Variants in ANKRD23 observed in about 807,000 individuals in gnomAD.
ANKRD23 encodes the protein ankyrin repeat domain-containing protein 23.
ANKRD23 carries 52 observed loss-of-function variants against 38.1 expected under a neutral mutation model. The observed-to-expected ratio is 1.36, with a 90% confidence interval of 1.09 to 1.72. The LOEUF (loss-of-function observed/expected upper bound fraction) is 1.72, where lower values mean the gene tolerates loss of function less well. Among genes scored for constraint, ANKRD23 ranks in the 40% most tolerant of loss-of-function variants. The probability of loss-of-function intolerance (pLI) is 0.00; values close to 1 mark genes in which losing one functional copy is unlikely to be tolerated. For missense variants in ANKRD23, 416 were observed against 400.2 expected, an observed-to-expected ratio of 1.04 and a Z score of -0.34; for synonymous variants, 167 against 162.9, an observed-to-expected ratio of 1.03 and a Z score of -0.19.
At chr2:96,840,694 C>T in intron 4 of ANKRD23, 93 bp downstream of exon 4, 6 of 1,570,058 alleles carry the variant, frequency 3.8e-6, no homozygotes, top group Non-Finnish European at 4.3e-6. Flanking sequence ...GAGTGAAAAT[C>T]CCTGCAGCCT....
chr2:96,839,644 C>A lies in ANKRD23; in HGVS notation c.823G>T (p.Ala275Ser). Residue 275 changes from alanine to serine, a missense_variant and splice_region_variant, in exon 9 of 9, where the codon GCC becomes TCC. Coordinates refer to ENST00000318357, the MANE Select transcript of ANKRD23 (RefSeq NM_144994.8). ...GCCAGCTGCACCGGGGTCACGGAGG[C>A]CTGGGAGCAACGGTGTGGGTCAGTC... Reference protein sequence around the residue: ...YGAELGVRNAASVTPVQLARD... With the variant: ...YGAELGVRNASSVTPVQLARD... The A allele has an allele frequency of 6.5e-7, 1 of 1,527,214 alleles. No homozygotes were observed. Among genetic ancestry groups the A allele is most frequent in the Non-Finnish European group, 8.8e-7 (1 of 1,134,232 alleles). 94.6% of individuals were successfully genotyped at this position (1,527,214 alleles called of 1,614,324 possible). A position where few individuals can be genotyped will look rare whatever the true frequency, so the allele number is the denominator to read the frequency against.
chr2:96,840,480 T>G lies in ANKRD23; in HGVS notation c.461A>C (p.Lys154Thr). 1 of 1,614,032 alleles carries G rather than the reference T, an allele frequency of 6.2e-7. No individual in the cohort carries two copies. Among genetic ancestry groups the G allele is most frequent in the Non-Finnish European group, 8.5e-7 (1 of 1,180,026 alleles). ...CTTGTTCACCAGCTGGCTGTGACCC[T>G]TCAGACAGGCCCAGTGCAAGGCGGT... Reference protein sequence around the residue: ...HRTALHWACLKGHSQLVNKLL... With the variant: ...HRTALHWACLTGHSQLVNKLL... The change falls in exon 5 of 9, where the codon AAG becomes ACG. Residue 154 changes from lysine (K) to threonine (T), a missense_variant. Transcript: ENST00000318357.
intron 1 of ANKRD23, 78 bp from the exon 2 acceptor site, chr2:96,842,589 A>C (rs2079774157): frequency 6.6e-7 from 1 of 1,517,304 alleles, no homozygotes; most frequent in South Asian, 1.3e-5. Flanking sequence ...AGTAGCAGGG[A>C]GCTGTCTTAT....
rs1232516559 is a variant in ANKRD23, at chr2:96,839,399, CTT to C, written c.*148_*149del. On this transcript the variant is annotated 3_prime_UTR_variant, in exon 9 of 9. Coordinates refer to ENST00000318357, the MANE Select transcript of ANKRD23 (RefSeq NM_144994.8). ...TTTGCCTGCTGGGCCCGGTGCCGCT[CTT>C]CAGTTCTGCCAGGGCTGCTGAGGCG... is the stretch of plus-strand genomic sequence containing the variant. The C allele has an allele frequency of 1.5e-5, 19 of 1,275,922 alleles. No homozygotes were observed. The highest frequency in any genetic ancestry group is 1.8e-5 in the Non-Finnish European group (18 of 1,014,818). The allele number at this position is 1,275,922 out of a possible 1,614,324, so 79.0% of individuals were successfully genotyped here. A position where few individuals can be genotyped will look rare whatever the true frequency, so the allele number is the denominator to read the frequency against.
rs2079718516 is a variant in ANKRD23 at position 96,838,478 on chromosome 2, T to TA, written c.*1070_*1071insT. 2 of 986,226 alleles carry TA rather than the reference T, an allele frequency of 2.0e-6. No homozygotes were observed. The highest frequency in any genetic ancestry group is 3.5e-5 in the African/African-American group (2 of 57,196). 61.1% of individuals were successfully genotyped at this position (986,226 alleles called of 1,614,324 possible). Reference sequence around the variant, plus strand: ...GGAGCAGGGAAGGGATGGGAAGGGCTGGGGGGCGGCGGGGGCTCACCTTCC... The same window carrying TA: ...GGAGCAGGGAAGGGATGGGAAGGGCTAGGGGGGCGGCGGGGGCTCACCTTCC... On this transcript the variant is annotated 3_prime_UTR_variant, in exon 9 of 9. Coordinates refer to ENST00000318357, the MANE Select transcript of ANKRD23 (RefSeq NM_144994.8).
chr2:96,840,259 C>CT lies in ANKRD23; in HGVS notation c.596dup (p.Ala201SerfsTer41). ...TGTCCCGGGCATTGACCCGGGCTCC[C>CT]TGGTTAAGCAGCTGTTTGAGGATGA... is the stretch of plus-strand genomic sequence containing the variant. On this transcript the variant is annotated frameshift_variant, in exon 6 of 9. Transcript: ENST00000318357. LOFTEE classifies it high-confidence loss of function. 1 of 1,611,664 alleles carries CT rather than the reference C, an allele frequency of 6.2e-7. No individual in the cohort carries two copies. The highest frequency in any genetic ancestry group is 8.5e-7 in the Non-Finnish European group (1 of 1,178,854).
At position 96,839,288 on chromosome 2, in the gene ANKRD23, C is replaced by T. The variant is rs112177754; in HGVS notation, c.*261G>A. The stretch of plus-strand genomic sequence containing the variant: ...CCTTCCTGGCCCTCATCTGGACCCG[C>T]GCTTTCTGCTGCCTTGTGGTCCTCT... On this transcript the variant is annotated 3_prime_UTR_variant, in exon 9 of 9. Transcript: ENST00000318357. 3.5e-3 allele frequency: 4,300 copies of T among 1,214,560 alleles called. 111 individuals carry two copies. The African/African-American group carries it at 0.06, about 17-fold the overall frequency. 75.2% of individuals were successfully genotyped at this position (1,214,560 alleles called of 1,614,324 possible).
rs1331648907 is a variant in ANKRD23 at position 96,843,442 on chromosome 2, G to C, written c.27+524C>G. On this transcript the variant is annotated intron_variant, in intron 1 of 8. Coordinates refer to ENST00000318357, the MANE Select transcript of ANKRD23 (RefSeq NM_144994.8). Reference sequence around the variant, plus strand: ...CCCTTCCCTATCCCCAAGGCAGCCAGGACCTCTGGCCATTTCCAGAGCAAC... The same window carrying C: ...CCCTTCCCTATCCCCAAGGCAGCCACGACCTCTGGCCATTTCCAGAGCAAC... 5.3e-5 allele frequency among the ~76,000 whole-genome samples: 8 copies of C among 152,280 alleles called. No individual in the cohort carries two copies. In the East Asian group the frequency reaches 1.5e-3, roughly 29 times the overall value.
At chr2:96,841,092 T>C in intron 3 of ANKRD23, 180 bp from the exon 4 acceptor site, 2 of 685,150 alleles carry the variant, frequency 2.9e-6, no homozygotes, top group Non-Finnish European at 4.7e-6. Context: ...TGTGTGTGTG[T>C]GAGCGTGTGT....
chr2:96,837,956 A>G lies in ANKRD23; in HGVS notation c.*1593T>C, dbSNP rs1165998121. ...TAATGAACAGAGGATACTGATTGGT[A>G]TAAAAAGGTGTGTTTGTCACTGAGG... On this transcript the variant is annotated 3_prime_UTR_variant, in exon 9 of 9. Coordinates refer to ENST00000318357, the MANE Select transcript of ANKRD23 (RefSeq NM_144994.8). The G allele has an allele frequency of 2.6e-5, 4 of 152,196 alleles. No individual in the cohort carries two copies. The highest frequency in any genetic ancestry group is 5.9e-5 in the Non-Finnish European group (4 of 68,016). The allele number at this position is 152,196 out of a possible 1,614,324, so 9.4% of individuals were successfully genotyped here. A position where few individuals can be genotyped will look rare whatever the true frequency, so the allele number is the denominator to read the frequency against.
Position 96,838,989 on chromosome 2 carries a change from ATG to A in ANKRD23, c.*558_*559del. On this transcript the variant is annotated 3_prime_UTR_variant, in exon 9 of 9. Transcript: ENST00000318357. The stretch of plus-strand genomic sequence containing the variant: ...ACTGCCAGGGTTGCTACTGACAGGA[ATG>A]GGGTCCCCAGAGAAAGCCATGCCCA... The A allele has an allele frequency of 1.0e-6, 1 of 985,830 alleles. No individual in the cohort carries two copies. The highest frequency in any genetic ancestry group is 1.2e-6 in the Non-Finnish European group (1 of 830,242). The allele number at this position is 985,830 out of a possible 1,614,324, so 61.1% of individuals were successfully genotyped here.
chr2:96,843,938 G>T, intron 1 of ANKRD23, 28 bp downstream of exon 1: 1 of 1,599,062 alleles, frequency 6.3e-7, no homozygotes, highest in Non-Finnish European at 8.5e-7. Context: ...GTCCCAGGGT[G>T]CCTCCCACCT....
At position 96,839,828 on chromosome 2, in the gene ANKRD23, G is replaced by A; in HGVS notation, c.724-3C>T. On this transcript the variant is annotated splice_polypyrimidine_tract_variant and splice_region_variant and intron_variant, in intron 7 of 8. Transcript: ENST00000318357. ...TCGTGCAGAGCCGTGTCCCCTTCCT[G>A]CTGAGAACGCAGGCAGTCAAGCTTC... The A allele has an allele frequency of 6.2e-7, 1 of 1,611,406 alleles. No individual in the cohort carries two copies. Among genetic ancestry groups the A allele is most frequent in the African/African-American group, 1.3e-5 (1 of 74,992 alleles).
In ANKRD23 at chr2:96,838,894, A is replaced by G. The variant is rs1473210932; in HGVS notation, c.*655T>C. 2 of 985,446 alleles carry G rather than the reference A, an allele frequency of 2.0e-6. No individual in the cohort carries two copies. Among genetic ancestry groups the G allele is most frequent in the East Asian group, 1.1e-4 (1 of 8,816 alleles). 61.0% of individuals were successfully genotyped at this position (985,446 alleles called of 1,614,324 possible). The stretch of plus-strand genomic sequence containing the variant: ...CTGTGGGGCCTCAAACCTGTTGAGT[A>G]GCCACCTCAGATGACCAGAACCCAC... On this transcript the variant is annotated 3_prime_UTR_variant, in exon 9 of 9. Transcript: ENST00000318357.
In ANKRD23 at chr2:96,840,326, T is replaced by C; in HGVS notation, c.530A>G (p.Asp177Gly). ...GCAGGCCCAGAACACAGGTGTCCTG[T>C]CCAGCTGCAAAACAAAAGCACCCAA... ...GATVDARDLL[D>G]RTPVFWACRG... is the part of the protein sequence containing the mutation. Residue 177 changes from aspartate (D) to glycine (G), a missense_variant, in exon 6 of 9, where the codon GAC (aspartate) becomes GGC (glycine). By Grantham distance (94) the Asp-to-Gly change is moderately conservative. Transcript: ENST00000318357. 1 of 1,606,606 alleles carries C rather than the reference T, an allele frequency of 6.2e-7. No homozygotes were observed. Among genetic ancestry groups the C allele is most frequent in the Non-Finnish European group, 8.5e-7 (1 of 1,176,038 alleles).
chr2:96,840,635 G>A, intron 4 of ANKRD23, 121 bp from the exon 5 acceptor site: 7 of 1,511,274 alleles, frequency 4.6e-6, no homozygotes, highest in Non-Finnish European at 6.4e-6. Flanking sequence ...CACGCGATGG[G>A]CCGCTCCCTC....
chr2:96,840,996 G>T, intron 3 of ANKRD23, 84 bp from the exon 4 acceptor site: 4 of 1,543,148 alleles, frequency 2.6e-6, no homozygotes, highest in Non-Finnish European at 3.5e-6. Flanking sequence ...CTGGCCCACG[G>T]GTCCCATGCA....
At position 96,842,402 on chromosome 2, in the gene ANKRD23, C is replaced by CG. The variant is rs780851358; in HGVS notation, c.136dup (p.Arg46ProfsTer15). On this transcript the variant is annotated frameshift_variant, in exon 2 of 9. Transcript: ENST00000318357. LOFTEE classifies it high-confidence loss of function. ...CTCTTCTTCCAATTTCAGCTTCTCCCGGGCCACAGCCTCTTGGGGGCCCCT... is the reference window on the plus strand; with the variant it reads ...CTCTTCTTCCAATTTCAGCTTCTCCCGGGGCCACAGCCTCTTGGGGGCCCCT... 6.2e-7 allele frequency: 1 copy of CG among 1,613,482 alleles called. No homozygotes were observed. Among genetic ancestry groups the CG allele is most frequent in the Non-Finnish European group, 8.5e-7 (1 of 1,179,914 alleles).
intron 2 of ANKRD23, 23 bp downstream of exon 2, chr2:96,842,342 C>T (rs1444158053): frequency 6.4e-7 from 1 of 1,553,560 alleles, no homozygotes; most frequent in South Asian, 1.1e-5. Context: ...TGCCCCCAAC[C>T]CCGGCCCCCG....
Sources: allele counts gnomAD v4.1 joint callset (sites outside exome capture counted in the v4.1 genomes callset), GRCh38; gene constraint gnomAD v4.1.1; transcripts MANE v1.5; gene names NCBI Gene and HGNC (gene_info 2026-07-23, HGNC 2026-07-21).